The following GAS7 variants were observed in gnomAD, a reference collection of about 807,000 sequenced individuals.
The protein encoded by GAS7 is growth arrest specific 7.
Under a neutral mutation model 71.1 loss-of-function variants are expected in GAS7, and 28 were observed. That is an observed-to-expected ratio of 0.39 (90% CI 0.29 to 0.54). The LOEUF (loss-of-function observed/expected upper bound fraction) is 0.54. GAS7 is among the 20% of genes least tolerant of loss of function. The probability of loss-of-function intolerance (pLI) is 0.62; values close to 1 mark genes in which losing one functional copy is unlikely to be tolerated. For synonymous variants in GAS7, 258 were observed against 245.8 expected, an observed-to-expected ratio of 1.05 and a Z score of -0.46; for missense variants, 436 against 627.8, an observed-to-expected ratio of 0.69 and a Z score of 3.27.
chr17:10,115,609 A>G (rs1487273484), intron 1 of GAS7, among the ~76,000 whole-genome samples: 1 of 151,810 alleles, frequency 6.6e-6, no homozygotes, highest in Non-Finnish European at 1.5e-5. Context: ...GTCCCCTAGC[A>G]TGAGGTGTCC....
At chr17:10,111,733 G>A (rs2073815708) in intron 1 of GAS7, among the ~76,000 whole-genome samples, 1 of 152,110 alleles carries the variant, frequency 6.6e-6, no homozygotes, top group African/African-American at 2.4e-5. Flanking sequence ...AGGGAATTGC[G>A]ACCCTCCTTG....
At chr17:10,099,676 C>A (rs1365706800) in intron 1 of GAS7, among the ~76,000 whole-genome samples, 1 of 152,146 alleles carries the variant, frequency 6.6e-6, no homozygotes, top group East Asian at 1.9e-4. Context: ...ATATACAACT[C>A]TTCATTTTGA....
At chr17:9,939,705 G>GATCACGCCA (rs1416116545) in intron 8 of GAS7, among the ~76,000 whole-genome samples, 13 of 152,090 alleles carry the variant, frequency 8.5e-5, no homozygotes, top group African/African-American at 2.9e-4. Context: ...CACCTCCTGG[G>GATCACGCCA]TTCACGCCAT....
intron 1 of GAS7, among the ~76,000 whole-genome samples, chr17:10,033,934 T>A (rs2072684241): frequency 6.6e-6 from 1 of 152,224 alleles, no homozygotes; most frequent in African/African-American, 2.4e-5. Flanking sequence ...GTCTGAACCC[T>A]GAGCTCTGGA....
At chr17:10,024,977 ATCAGCTACT>A (rs2072411014) in intron 1 of GAS7, among the ~76,000 whole-genome samples, 1 of 152,200 alleles carries the variant, frequency 6.6e-6, no homozygotes, top group Non-Finnish European at 1.5e-5. Context: ...GCTTTAGACA[ATCAGCTACT>A]CGTCACAACA....
At chr17:9,963,478 G>GA (rs1407751863) in intron 4 of GAS7, among the ~76,000 whole-genome samples, 1 of 152,092 alleles carries the variant, frequency 6.6e-6, no homozygotes, top group Admixed American at 6.5e-5. Context: ...TTTGGTGGGG[G>GA]AAGAGAGAGA....
intron 2 of GAS7, among the ~76,000 whole-genome samples, chr17:9,984,723 G>C (rs1261520023): frequency 6.6e-6 from 1 of 152,160 alleles, no homozygotes; most frequent in Non-Finnish European, 1.5e-5. Flanking sequence ...AAGTAGGCTG[G>C]GAAAGAGCAT....
rs989005919 is a variant in GAS7, at chr17:9,926,814, C to T, written c.886-45G>A. On this transcript the variant is annotated intron_variant, in intron 9 of 13. Coordinates refer to ENST00000432992, the MANE Select transcript of GAS7 (RefSeq NM_201433.2). The surrounding 1 kb of genome is among the most constrained non-coding windows in gnomAD (Gnocchi z 5.0). ...GCACACTCAGGACCCAGGGCATCAG[C>T]TGTAAGCCAGTGCAGGGAGGAGGGA... 1 of 1,611,502 alleles carries T rather than the reference C, an allele frequency of 6.2e-7. No homozygotes were observed. Among genetic ancestry groups the T allele is most frequent in the East Asian group, 2.2e-5 (1 of 44,842 alleles).
intron 1 of GAS7, among the ~76,000 whole-genome samples, chr17:10,042,489 T>C (rs751868983): frequency 9.2e-5 from 14 of 151,998 alleles, no homozygotes; most frequent in Non-Finnish European, 8.8e-5. Flanking sequence ...ATCAACCAAC[T>C]AATAGTTACT....
chr17:10,048,995 C>CTTGTAGGAGTTTCTTGTAG (rs2073022593), intron 1 of GAS7, among the ~76,000 whole-genome samples: 1 of 152,168 alleles, frequency 6.6e-6, no homozygotes, highest in African/African-American at 2.4e-5. Flanking sequence ...AACCAGGATA[C>CTTGTAGGAGTTTCTTGTAG]GAGTTTCTCC....
At chr17:10,046,833 G>GA (rs1309149041) in intron 1 of GAS7, among the ~76,000 whole-genome samples, 19 of 106,894 alleles carry the variant, frequency 1.8e-4, no homozygotes, top group African/African-American at 8.9e-4. Flanking sequence ...AGGAAGGAAG[G>GA]AAGGAAGGAA....
At chr17:10,130,822 T>C (rs1005668598) in intron 1 of GAS7, among the ~76,000 whole-genome samples, 1 of 152,104 alleles carries the variant, frequency 6.6e-6, no homozygotes, top group African/African-American at 2.4e-5. Flanking sequence ...CAGATGGAAA[T>C]AGATAAGTGG....
At chr17:10,028,212 C>T (rs1397639356) in intron 1 of GAS7, among the ~76,000 whole-genome samples, 12 of 151,976 alleles carry the variant, frequency 7.9e-5, no homozygotes, top group Non-Finnish European at 4.4e-5. Context: ...CTTAACATTT[C>T]TTTTTTTTAA....
chr17:10,138,358 G>A (rs59863157), intron 1 of GAS7, among the ~76,000 whole-genome samples: 17,478 of 152,224 alleles, frequency 0.11, 2,013 homozygotes, highest in East Asian at 0.46. Flanking sequence ...GTAAGGAAGG[G>A]AGGACATGCA....
intron 5 of GAS7, among the ~76,000 whole-genome samples, chr17:9,954,425 G>C (rs982312404): frequency 6.6e-6 from 1 of 151,586 alleles, no homozygotes; most frequent in African/African-American, 2.4e-5. Context: ...ATGCACTGGA[G>C]GGAGAACGTG....
intron 3 of GAS7, among the ~76,000 whole-genome samples, chr17:9,975,975 CCCA>C (rs34623876): frequency 0.2 from 30,884 of 152,068 alleles, 3,359 homozygotes; most frequent in Middle Eastern, 0.3. Context: ...CCTCCTTCCT[CCCA>C]CCACATCCTG....
intron 1 of GAS7, among the ~76,000 whole-genome samples, chr17:10,023,135 G>A (rs1487451943): frequency 6.6e-6 from 1 of 152,242 alleles, no homozygotes; most frequent in Non-Finnish European, 1.5e-5. Flanking sequence ...GCTGAAAGAG[G>A]TGGGGAGGAG....
rs185057103 is a variant in GAS7 at position 9,974,157 on chromosome 17, C to T, written c.386-4395G>A. ...GCTGATGGCTAATTACTGCTCATGT[C>T]AAAACAATTACGAGGAAAGAAAACA... On this transcript the variant is annotated intron_variant, in intron 3 of 13. Coordinates refer to ENST00000432992, the MANE Select transcript of GAS7 (RefSeq NM_201433.2). This position sits in a 1 kb window ranked among gnomAD's most constrained non-coding sequence, Gnocchi z 4.0. 1.3e-3 allele frequency among the ~76,000 whole-genome samples: 198 copies of T among 152,328 alleles called. No homozygotes were observed. The highest frequency in any genetic ancestry group is 0.012 in the Admixed American group (188 of 15,290).
intron 1 of GAS7, among the ~76,000 whole-genome samples, chr17:10,126,331 C>T (rs1237100957): frequency 8.9e-6 from 1 of 112,548 alleles, no homozygotes; most frequent in Non-Finnish European, 2.1e-5. Context: ...CACACACACG[C>T]TCACACACAC....
Sources: gnomAD v4.1 joint callset for allele counts (sites outside exome capture counted in the v4.1 genomes callset) on GRCh38, gnomAD v4.1.1 for gene constraint, Gnocchi (gnomAD v3.1) non-coding constraint, MANE v1.5 for transcripts, NCBI Gene and HGNC (gene_info 2026-07-23, HGNC 2026-07-21) for gene names.